The following PTDSS1 variants were observed in gnomAD, a reference collection of about 807,000 sequenced individuals.
The protein encoded by PTDSS1 is phosphatidylserine synthase 1, also known as PSS-1.
PTDSS1 carries 45 observed loss-of-function variants against 70.5 expected under a neutral mutation model. The observed-to-expected ratio is 0.64, with a 90% confidence interval of 0.50 to 0.82. The LOEUF is 0.82. Among genes scored for constraint, PTDSS1 ranks in the 40% least tolerant of loss-of-function variants. The pLI is 0.00. For synonymous variants in PTDSS1, 188 were observed against 203.8 expected (o/e 0.92, Z 0.66); for missense variants, 417 against 586.1 (o/e 0.71, Z 2.98).
intron 2 of PTDSS1, among the ~76,000 whole-genome samples, chr8:96,282,360 C>G (rs891800940): frequency 6.6e-6 from 1 of 152,158 alleles, no homozygotes; most frequent in Non-Finnish European, 1.5e-5. Context: ...TGGTTTATAA[C>G]CTTCACTGTG....
At chr8:96,274,845 T>C (rs1226888935) in intron 2 of PTDSS1, among the ~76,000 whole-genome samples, 1 of 152,228 alleles carries the variant, frequency 6.6e-6, no homozygotes, top group African/African-American at 2.4e-5. Flanking sequence ...TGTAGCAGAC[T>C]AGCATAATAA....
chr8:96,301,361 T>C (rs1333279486), intron 6 of PTDSS1, among the ~76,000 whole-genome samples: 1 of 152,064 alleles, frequency 6.6e-6, no homozygotes, highest in Non-Finnish European at 1.5e-5. Context: ...TCTCAAAGTG[T>C]TGGGATTACA....
chr8:96,312,744 C>T (rs565926799), intron 9 of PTDSS1, among the ~76,000 whole-genome samples: 8 of 152,102 alleles, frequency 5.3e-5, no homozygotes, highest in African/African-American at 1.2e-4. Flanking sequence ...CGTGAACAGC[C>T]GTGAGAGCTG....
At position 96,334,137 on chromosome 8, in the gene PTDSS1, A is replaced by G. The variant is rs1343042648; in HGVS notation, c.*571A>G. 5 of 268,720 alleles carry G rather than the reference A, an allele frequency of 1.9e-5. No homozygotes were observed. The highest frequency in any genetic ancestry group is 3.5e-5 in the Non-Finnish European group (5 of 142,648). The allele number at this position is 268,720 out of a possible 1,614,324, so 16.6% of individuals were successfully genotyped here. ...TGGGGGAAGGGTTCCCCTTCCTTCT[A>G]GAGCAGAAAAGGGAGAGAGGTGTTG... On this transcript the variant is annotated 3_prime_UTR_variant, in exon 13 of 13. Transcript: ENST00000517309.
chr8:96,288,492 CT>C (rs1426610214), intron 4 of PTDSS1, among the ~76,000 whole-genome samples: 1 of 151,580 alleles, frequency 6.6e-6, no homozygotes. Flanking sequence ...ACCCGGCTAA[CT>C]TTTGTATTTT....
chr8:96,326,942 T>A (rs1355491479), intron 10 of PTDSS1, among the ~76,000 whole-genome samples: 1 of 152,090 alleles, frequency 6.6e-6, no homozygotes, highest in Non-Finnish European at 1.5e-5. Flanking sequence ...CCTCTTGTGG[T>A]AGCTGGGAGG....
chr8:96,263,878 C>T (rs1308667065), intron 1 of PTDSS1, among the ~76,000 whole-genome samples: 1 of 151,604 alleles, frequency 6.6e-6, no homozygotes, highest in East Asian at 2.0e-4. Context: ...AAACTAATAT[C>T]CTCCCACATC....
intron 2 of PTDSS1, among the ~76,000 whole-genome samples, chr8:96,274,988 C>G (rs536731327): frequency 1.3e-5 from 2 of 152,308 alleles, no homozygotes; most frequent in South Asian, 4.1e-4. Context: ...TAATGAAAAT[C>G]TGCATACCTT....
intron 9 of PTDSS1, among the ~76,000 whole-genome samples, chr8:96,317,098 C>T (rs548416099): frequency 1.3e-5 from 2 of 148,566 alleles, no homozygotes; most frequent in Non-Finnish European, 3.0e-5. Context: ...GAGAGAGAGA[C>T]AGAGAGAGAG....
At chr8:96,305,217 G>C (rs999731376) in intron 7 of PTDSS1, among the ~76,000 whole-genome samples, 1 of 152,214 alleles carries the variant, frequency 6.6e-6, no homozygotes, top group African/African-American at 2.4e-5. Context: ...GGAACCACCT[G>C]GTGGTATGCG....
intron 10 of PTDSS1, among the ~76,000 whole-genome samples, chr8:96,323,607 G>A (rs1220483463): frequency 2.0e-5 from 3 of 152,150 alleles, no homozygotes; most frequent in Non-Finnish European, 2.9e-5. Flanking sequence ...AGGTAGCCCT[G>A]GTCAGTGAGC....
intron 8 of PTDSS1, 77 bp downstream of exon 8, chr8:96,306,633 C>T: frequency 9.1e-7 from 1 of 1,099,842 alleles, no homozygotes; most frequent in South Asian, 1.4e-5. Flanking sequence ...TAAGGAAAGT[C>T]ATATAAACTA....
chr8:96,327,627 G>A (rs990530011), intron 10 of PTDSS1, among the ~76,000 whole-genome samples: 1 of 152,188 alleles, frequency 6.6e-6, no homozygotes, highest in African/African-American at 2.4e-5. Context: ...TGGTAAGAGA[G>A]CGCACACGGA....
At chr8:96,330,366 G>A (rs1255960910) in intron 11 of PTDSS1, 85 bp downstream of exon 11, 8 of 1,334,718 alleles carry the variant, frequency 6.0e-6, no homozygotes, top group Non-Finnish European at 8.4e-6. Context: ...TGCCTGTAAG[G>A]ATATGGCGAG....
chr8:96,286,943 C>A, intron 3 of PTDSS1, 79 bp from the exon 4 acceptor site: 2 of 1,546,050 alleles, frequency 1.3e-6, no homozygotes, highest in Non-Finnish European at 1.8e-6. Flanking sequence ...TTTGGCAATG[C>A]CATTCGAGTC....
intron 2 of PTDSS1, among the ~76,000 whole-genome samples, chr8:96,280,079 T>C (rs1810713663): frequency 6.6e-6 from 1 of 152,192 alleles, no homozygotes; most frequent in Admixed American, 6.5e-5. Context: ...TGAACTTAAT[T>C]TTTTCTAGGT....
At chr8:96,301,054 T>G (rs1053610240) in intron 6 of PTDSS1, among the ~76,000 whole-genome samples, 2 of 152,204 alleles carry the variant, frequency 1.3e-5, no homozygotes, top group African/African-American at 4.8e-5. Context: ...CCTCTTTTAT[T>G]TGTGCTTTCT....
chr8:96,315,337 G>A lies in PTDSS1; in HGVS notation c.1074-4909G>A, dbSNP rs113594464. ...TGCTTGTGCAGCCATGGAGCAGTGC[G>A]TGTGGGATGCAGCAGCCAGGTACCC... is the stretch of plus-strand genomic sequence containing the variant. On this transcript the variant is annotated intron_variant, in intron 9 of 12. Transcript: ENST00000517309. Among the ~76,000 whole-genome samples the A allele has an allele frequency of 9.0e-4, 137 of 152,364 alleles. 3 individuals carry two copies. Among genetic ancestry groups the A allele is most frequent in the African/African-American group, 3.0e-3 (126 of 41,586 alleles).
At chr8:96,273,453 G>A (rs1371468354) in intron 2 of PTDSS1, 63 bp downstream of exon 2, 12 of 1,228,610 alleles carry the variant, frequency 9.8e-6, no homozygotes, top group Non-Finnish European at 1.4e-5. Context: ...TTTTTGAGAT[G>A]TGAGTCATCT....
Sources: allele counts gnomAD v4.1 joint callset (sites outside exome capture counted in the v4.1 genomes callset), GRCh38; gene constraint gnomAD v4.1.1; transcripts MANE v1.5; gene names NCBI Gene and HGNC (gene_info 2026-07-23, HGNC 2026-07-21).